The following CALD1 variants were observed in gnomAD, a reference collection of about 807,000 sequenced individuals.
CALD1 encodes the protein caldesmon.
A neutral mutation model predicts 99.9 loss-of-function variants in CALD1; 33 were observed. The observed-to-expected ratio is 0.33, with a 90% CI of 0.25 to 0.44. CALD1 has a LOEUF of 0.44. Among genes scored for constraint, CALD1 ranks in the 20% least tolerant of loss-of-function variants. The probability of loss-of-function intolerance (pLI) is 1.00; values close to 1 mark genes in which losing one functional copy is unlikely to be tolerated. For synonymous variants in CALD1, 310 were observed against 325.0 expected, an observed-to-expected ratio of 0.95 and a Z score of 0.50; for missense variants, 861 against 962.1, an observed-to-expected ratio of 0.89 and a Z score of 1.39.
intron 3 of CALD1, chr7:134,891,364 A>T: frequency 1.6e-6 from 2 of 1,236,594 alleles, no homozygotes; most frequent in Non-Finnish European, 2.0e-6. Flanking sequence ...ACAGTAAAAA[A>T]TAACAATCAG....
At chr7:134,870,592 A>G (rs76432605) in intron 3 of CALD1, among the ~76,000 whole-genome samples, 1,878 of 152,338 alleles carry the variant, frequency 0.012, 20 homozygotes, top group Non-Finnish European at 0.021. Flanking sequence ...ATAAACTTAC[A>G]CAAATTAATC....
chr7:134,851,408 C>G (rs1800076118), intron 2 of CALD1, among the ~76,000 whole-genome samples: 1 of 152,144 alleles, frequency 6.6e-6, no homozygotes, highest in African/African-American at 2.4e-5. Flanking sequence ...CCTACCTATC[C>G]CTGTTTCTAA....
intron 1 of CALD1, among the ~76,000 whole-genome samples, chr7:134,835,038 G>C (rs1327162738): frequency 1.3e-5 from 2 of 152,196 alleles, no homozygotes; most frequent in East Asian, 1.9e-4. Context: ...TAGTGCAAAG[G>C]CCTCTGTATC....
intron 1 of CALD1, among the ~76,000 whole-genome samples, chr7:134,807,350 G>T (rs1798182456): frequency 1.3e-5 from 2 of 152,112 alleles, no homozygotes; most frequent in Non-Finnish European, 2.9e-5. Context: ...AAGAAGAAAT[G>T]ATTTCTATTT....
At chr7:134,712,026 A>AGAGG in the CALD1 span, among the ~76,000 whole-genome samples, 1 of 111,528 alleles carries the variant, frequency 9.0e-6, no homozygotes, top group Admixed American at 1.1e-4. Flanking sequence ...AAGGAGGGAG[A>AGAGG]GAGGGAGGGA....
At chr7:134,841,373 C>T (rs1056207020) in intron 1 of CALD1, among the ~76,000 whole-genome samples, 2 of 152,254 alleles carry the variant, frequency 1.3e-5, no homozygotes, top group Admixed American at 6.5e-5. Flanking sequence ...TAAAACCCAT[C>T]GATCTATTTT....
At chr7:134,773,418 C>T (rs977045003) in intron 1 of CALD1, among the ~76,000 whole-genome samples, 3 of 151,954 alleles carry the variant, frequency 2.0e-5, no homozygotes, top group Non-Finnish European at 4.4e-5. Flanking sequence ...GGACTACAGG[C>T]GTGTGCCACC....
At chr7:134,756,267 T>C in intron 1 of CALD1, among the ~76,000 whole-genome samples, 1 of 65,590 alleles carries the variant, frequency 1.5e-5, no homozygotes, top group Non-Finnish European at 2.7e-5. Context: ...AGTGAGACTT[T>C]GTCTCAAAAA....
chr7:134,839,717 G>A (rs1384983161), intron 1 of CALD1, among the ~76,000 whole-genome samples: 1 of 152,100 alleles, frequency 6.6e-6, no homozygotes, highest in East Asian at 1.9e-4. Flanking sequence ...TTGAGACAAG[G>A]TCTCTCTCTG....
At chr7:134,837,394 G>A (rs1401995623) in intron 1 of CALD1, among the ~76,000 whole-genome samples, 1 of 151,574 alleles carries the variant, frequency 6.6e-6, no homozygotes, top group Non-Finnish European at 1.5e-5. Flanking sequence ...CCAAGCTGGA[G>A]TGCAATGGCA....
chr7:134,756,165 A>G (rs1796726143), intron 1 of CALD1, among the ~76,000 whole-genome samples: 1 of 151,226 alleles, frequency 6.6e-6, no homozygotes. Flanking sequence ...TGCTGGGATT[A>G]CAGGTGAGAG....
At chr7:134,743,450 G>T (rs543477390), upstream of CALD1, among the ~76,000 whole-genome samples, 2 of 152,220 alleles carry the variant, frequency 1.3e-5, no homozygotes, top group South Asian at 4.2e-4. Flanking sequence ...TCACAATCCT[G>T]AGCAAATCTA....
intron 4 of CALD1, among the ~76,000 whole-genome samples, chr7:134,930,852 G>T (rs1319708477): frequency 6.6e-6 from 1 of 152,156 alleles, no homozygotes; most frequent in Non-Finnish European, 1.5e-5. Context: ...ACACGGGAGG[G>T]CAACGTAGTC....
At chr7:134,755,767 C>T (rs888476110) in intron 1 of CALD1, among the ~76,000 whole-genome samples, 4 of 152,208 alleles carry the variant, frequency 2.6e-5, no homozygotes, top group African/African-American at 7.2e-5. Context: ...TTTTTCTAGT[C>T]ATATTTATCA....
chr7:134,761,836 T>A (rs10237503), intron 1 of CALD1, among the ~76,000 whole-genome samples: 1 of 152,214 alleles, frequency 6.6e-6, no homozygotes, highest in Admixed American at 6.5e-5. Context: ...AAAATGCCAA[T>A]AGACATTTAC....
intron 1 of CALD1, among the ~76,000 whole-genome samples, chr7:134,803,189 A>G (rs1798010647): frequency 6.6e-6 from 1 of 152,104 alleles, no homozygotes; most frequent in African/African-American, 2.4e-5. Context: ...TATATCTTCT[A>G]TGAAGGATTT....
chr7:134,940,829 C>T (rs1490982407), intron 6 of CALD1, among the ~76,000 whole-genome samples: 1 of 152,146 alleles, frequency 6.6e-6, no homozygotes. Context: ...ATAGTACTAC[C>T]ACTGCTCTTG....
At chr7:134,720,641 G>A in the CALD1 span, among the ~76,000 whole-genome samples, 2 of 152,176 alleles carry the variant, frequency 1.3e-5, no homozygotes, top group Admixed American at 6.5e-5. Flanking sequence ...AAACACAGCA[G>A]GGAATGTCTG....
chr7:134,712,587 A>G, the CALD1 span, among the ~76,000 whole-genome samples: 2 of 152,218 alleles, frequency 1.3e-5, no homozygotes, highest in Non-Finnish European at 2.9e-5. Context: ...GAATTAAAGT[A>G]GACACTAAAG....
Sources: gnomAD v4.1 joint callset for allele counts (sites outside exome capture counted in the v4.1 genomes callset) on GRCh38, gnomAD v4.1.1 for gene constraint, MANE v1.5 for transcripts, NCBI Gene and HGNC (gene_info 2026-07-23, HGNC 2026-07-21) for gene names.